Variants in PALLD observed in about 807,000 individuals in gnomAD.
PALLD encodes the protein palladin.
Under a neutral mutation model 123.5 loss-of-function variants are expected in PALLD, and 61 were observed. The ratio of observed to expected loss-of-function variants is 0.49; its 90% CI spans 0.40 to 0.61. The LOEUF is 0.61. Ranked by LOEUF, PALLD falls within the 20% of genes least tolerant of loss-of-function variation. PALLD has a pLI of 0.00. For synonymous variants in PALLD, 465 were observed against 496.4 expected (o/e 0.94, Z 0.84); for missense variants, 1,273 against 1,377.0 (o/e 0.92, Z 1.20).
At chr4:168,555,699 A>G (rs1276509971) in intron 2 of PALLD, among the ~76,000 whole-genome samples, 2 of 152,232 alleles carry the variant, frequency 1.3e-5, no homozygotes, top group South Asian at 2.1e-4. Context: ...CCATTTCAGA[A>G]TAGACTTGCC....
chr4:168,872,559 TC>T (rs1337522818), intron 10 of PALLD, among the ~76,000 whole-genome samples: 2 of 152,216 alleles, frequency 1.3e-5, no homozygotes, highest in African/African-American at 4.8e-5. Flanking sequence ...TTGTAGAAAA[TC>T]CAGATTTTTA....
In PALLD at chr4:168,564,654, C is replaced by T. The variant is rs932446869; in HGVS notation, c.908+52242C>T. On this transcript the variant is annotated intron_variant, in intron 2 of 21. Transcript: ENST00000505667. ...GGATTTAAACATTTGGGGGCTAAACCTATGGTAATAAAATAACAGCCTATA... is the reference window on the plus strand; with the variant it reads ...GGATTTAAACATTTGGGGGCTAAACTTATGGTAATAAAATAACAGCCTATA... Among the ~76,000 whole-genome samples, 31 of 152,132 alleles carry T rather than the reference C, an allele frequency of 2.0e-4. No individual in the cohort carries two copies. In the East Asian group the frequency reaches 6.0e-3, roughly 29 times the overall value.
At chr4:168,871,297 C>T (rs1751037273) in intron 10 of PALLD, among the ~76,000 whole-genome samples, 1 of 152,120 alleles carries the variant, frequency 6.6e-6, no homozygotes, top group Non-Finnish European at 1.5e-5. Context: ...ATGCCAAATT[C>T]GTCATTTCAT....
At chr4:168,502,237 G>T (rs1161932392) in intron 1 of PALLD, among the ~76,000 whole-genome samples, 1 of 152,124 alleles carries the variant, frequency 6.6e-6, no homozygotes, top group Non-Finnish European at 1.5e-5. Context: ...CCCTGAGCTT[G>T]CTAGTATCCG....
chr4:168,554,250 GTTT>G (rs1206087662), intron 2 of PALLD, among the ~76,000 whole-genome samples: 1 of 152,094 alleles, frequency 6.6e-6, no homozygotes, highest in Non-Finnish European at 1.5e-5. Context: ...ATTTTTCTGA[GTTT>G]TTTTCTCTCC....
At chr4:168,570,251 G>T (rs1016552984) in intron 2 of PALLD, among the ~76,000 whole-genome samples, 1 of 152,120 alleles carries the variant, frequency 6.6e-6, no homozygotes, top group African/African-American at 2.4e-5. Context: ...AAACCAAATA[G>T]ATACTGTCTT....
At chr4:168,500,968 A>G (rs1306655860) in intron 1 of PALLD, among the ~76,000 whole-genome samples, 2 of 152,260 alleles carry the variant, frequency 1.3e-5, no homozygotes. Flanking sequence ...TGTAATATAC[A>G]TACCAATGAA....
chr4:168,670,427 A>AT (rs55884170), intron 3 of PALLD, among the ~76,000 whole-genome samples: 5 of 152,110 alleles, frequency 3.3e-5, no homozygotes, highest in East Asian at 1.9e-4. Flanking sequence ...AGATAAACAC[A>AT]TTTTTTTAAA....
chr4:168,555,922 T>C (rs1246053151), intron 2 of PALLD, among the ~76,000 whole-genome samples: 1 of 152,210 alleles, frequency 6.6e-6, no homozygotes, highest in Non-Finnish European at 1.5e-5. Flanking sequence ...ATTAACTCTA[T>C]AACCTAAGAC....
At chr4:168,760,313 T>G (rs1732652922) in intron 10 of PALLD, among the ~76,000 whole-genome samples, 1 of 135,780 alleles carries the variant, frequency 7.4e-6, no homozygotes, top group South Asian at 2.6e-4. Flanking sequence ...TTCCCGGCTC[T>G]GGCAGTGGGT....
At chr4:168,622,794 G>A (rs926674799) in intron 2 of PALLD, among the ~76,000 whole-genome samples, 4 of 152,218 alleles carry the variant, frequency 2.6e-5, no homozygotes, top group African/African-American at 9.7e-5. Flanking sequence ...CAGACACTCT[G>A]AGATGTCCTT....
intron 1 of PALLD, among the ~76,000 whole-genome samples, chr4:168,503,560 T>C (rs1422704813): frequency 1.3e-5 from 2 of 148,520 alleles, no homozygotes; most frequent in Non-Finnish European, 3.0e-5. Flanking sequence ...GGCAAGAGAA[T>C]GGTGTGAACC....
chr4:168,720,452 GGTCTT>G (rs1785887654), intron 10 of PALLD, among the ~76,000 whole-genome samples: 1 of 151,964 alleles, frequency 6.6e-6, no homozygotes, highest in African/African-American at 2.4e-5. Context: ...GGACCAGAGG[GGTCTT>G]CAAAATATTA....
intron 2 of PALLD, among the ~76,000 whole-genome samples, chr4:168,602,146 T>G (rs1772730778): frequency 6.6e-6 from 1 of 152,186 alleles, no homozygotes. Flanking sequence ...GTCCAAAGCA[T>G]GGCAACTAAG....
intron 14 of PALLD, 146 bp downstream of exon 14, chr4:168,898,860 TG>T: frequency 1.4e-6 from 1 of 709,326 alleles, no homozygotes; most frequent in South Asian, 1.6e-5. Context: ...TCTTAAGTTC[TG>T]GGCCATCTTC....
rs376102966 is a variant in PALLD, at chr4:168,566,475, T to C, written c.908+54063T>C. On this transcript the variant is annotated intron_variant, in intron 2 of 21. Transcript: ENST00000505667. Reference sequence around the variant, plus strand: ...ACCAAGCCCGGCTAATTTTTTATATTTTTGTCGAGACGGGGTCTCCCTATG... The same window carrying C: ...ACCAAGCCCGGCTAATTTTTTATATCTTTGTCGAGACGGGGTCTCCCTATG... 2.6e-4 allele frequency among the ~76,000 whole-genome samples: 40 copies of C among 152,108 alleles called. 3 individuals carry two copies. In the South Asian group the frequency reaches 8.1e-3, roughly 31 times the overall value.
chr4:168,509,237 T>A lies in PALLD; in HGVS notation c.-82-2186T>A, dbSNP rs1561188597. Among the ~76,000 whole-genome samples, 3 of 152,212 alleles carry A rather than the reference T, an allele frequency of 2.0e-5. No individual in the cohort carries two copies. In the South Asian group the frequency reaches 6.2e-4, roughly 32 times the overall value. On this transcript the variant is annotated intron_variant, in intron 1 of 21. Transcript: ENST00000505667. ...CACTCTTATGATTCCAAACATTGTA[T>A]TTTATTGCTCTATAGATATTAACCA...
chr4:168,697,511 C>G (rs1783246558), intron 8 of PALLD, among the ~76,000 whole-genome samples: 2 of 152,202 alleles, frequency 1.3e-5, no homozygotes, highest in South Asian at 2.1e-4. Flanking sequence ...TCCAGCCCGT[C>G]TTTTATTTGG....
intron 10 of PALLD, among the ~76,000 whole-genome samples, chr4:168,849,019 C>T (rs1201273800): frequency 6.6e-6 from 1 of 152,070 alleles, no homozygotes; most frequent in African/African-American, 2.4e-5. Context: ...GAATTTTTTT[C>T]GTTAAAAAAT....
Sources: allele counts gnomAD v4.1 joint callset (sites outside exome capture counted in the v4.1 genomes callset), GRCh38; gene constraint gnomAD v4.1.1; transcripts MANE v1.5; gene names NCBI Gene and HGNC (gene_info 2026-07-23, HGNC 2026-07-21).